The following STXBP5L variants were observed in gnomAD, a reference collection of about 807,000 sequenced individuals.
The protein encoded by STXBP5L is syntaxin-binding protein 5-like.
In STXBP5L, 65 loss-of-function variants were observed where a neutral mutation model predicts 144.5. The ratio of observed to expected loss-of-function variants is 0.45; its 90% confidence interval spans 0.37 to 0.55. The LOEUF (loss-of-function observed/expected upper bound fraction) is 0.55. Among genes scored for constraint, STXBP5L ranks in the 20% least tolerant of loss-of-function variants. The pLI is 0.00. For synonymous variants in STXBP5L, 505 were observed against 469.6 expected, an observed-to-expected ratio of 1.08 and a Z score of -0.97; for missense variants, 1,298 against 1,405.5, an observed-to-expected ratio of 0.92 and a Z score of 1.22.
intron 3 of STXBP5L, among the ~76,000 whole-genome samples, chr3:120,991,531 T>G (rs888580424): frequency 5.3e-5 from 8 of 152,326 alleles, no homozygotes; most frequent in Admixed American, 6.5e-5. Flanking sequence ...CACATGCACA[T>G]GTATGTTTAT....
chr3:121,300,096 A>C (rs2051828661), intron 19 of STXBP5L, among the ~76,000 whole-genome samples: 1 of 152,134 alleles, frequency 6.6e-6, no homozygotes, highest in South Asian at 2.1e-4. Context: ...ACACATACAA[A>C]TACAAGGGAA....
chr3:121,395,020 C>G (rs373558518), intron 22 of STXBP5L, among the ~76,000 whole-genome samples: 1 of 151,960 alleles, frequency 6.6e-6, no homozygotes, highest in Non-Finnish European at 1.5e-5. Flanking sequence ...CAGACTTTTG[C>G]CAGAATAGGG....
intron 5 of STXBP5L, among the ~76,000 whole-genome samples, chr3:121,111,008 T>G (rs1365209368): frequency 1.3e-5 from 2 of 152,224 alleles, no homozygotes; most frequent in African/African-American, 4.8e-5. Flanking sequence ...CTGAAATTCT[T>G]TCCTCCGCTT....
intron 7 of STXBP5L, among the ~76,000 whole-genome samples, chr3:121,147,759 T>A (rs1465028058): frequency 1.3e-5 from 2 of 152,168 alleles, no homozygotes; most frequent in East Asian, 3.9e-4. Context: ...CCATTCCTAA[T>A]GCGAGTGGGT....
At chr3:121,210,220 C>T (rs1470575291) in intron 10 of STXBP5L, among the ~76,000 whole-genome samples, 1 of 152,162 alleles carries the variant, frequency 6.6e-6, no homozygotes, top group African/African-American at 2.4e-5. Context: ...CTTTTGGCTG[C>T]ATAAATGTCT....
chr3:121,228,910 C>G (rs539676555), intron 11 of STXBP5L, among the ~76,000 whole-genome samples: 8 of 152,012 alleles, frequency 5.3e-5, no homozygotes, highest in Non-Finnish European at 1.0e-4. Context: ...AGAAAGGAAA[C>G]CTTTGTTGTT....
intron 3 of STXBP5L, among the ~76,000 whole-genome samples, chr3:121,035,637 T>G (rs912351499): frequency 1.3e-5 from 2 of 152,152 alleles, no homozygotes; most frequent in African/African-American, 4.8e-5. Context: ...GGCTGGGCAA[T>G]GTTATGTCTT....
chr3:121,369,067 C>T (rs994262830), intron 20 of STXBP5L, among the ~76,000 whole-genome samples: 1 of 152,124 alleles, frequency 6.6e-6, no homozygotes, highest in African/African-American at 2.4e-5. Flanking sequence ...TGTTGGTCCA[C>T]CCTGTCTCCT....
intron 7 of STXBP5L, among the ~76,000 whole-genome samples, chr3:121,141,029 A>G (rs2045478051): frequency 6.6e-6 from 1 of 152,202 alleles, no homozygotes; most frequent in Non-Finnish European, 1.5e-5. Flanking sequence ...GTCAATATAA[A>G]AGAAATAAAC....
chr3:121,205,675 G>C (rs979198444), intron 9 of STXBP5L, among the ~76,000 whole-genome samples: 2 of 152,094 alleles, frequency 1.3e-5, no homozygotes, highest in Admixed American at 6.6e-5. Flanking sequence ...AGGATGTAAA[G>C]TGATAAAAGT....
At chr3:121,238,574 A>G (rs2049562204) in intron 12 of STXBP5L, among the ~76,000 whole-genome samples, 1 of 152,194 alleles carries the variant, frequency 6.6e-6, no homozygotes, top group South Asian at 2.1e-4. Context: ...TTATATTTTA[A>G]TATTTATAAG....
chr3:121,373,743 G>A (rs796417711), intron 20 of STXBP5L, among the ~76,000 whole-genome samples: 10 of 152,220 alleles, frequency 6.6e-5, no homozygotes, highest in African/African-American at 2.4e-4. Flanking sequence ...CACACCCAGA[G>A]GCCTAGGGAT....
intron 9 of STXBP5L, among the ~76,000 whole-genome samples, chr3:121,168,327 A>T (rs748147336): frequency 2.0e-5 from 3 of 152,168 alleles, no homozygotes; most frequent in Non-Finnish European, 2.9e-5. Flanking sequence ...ACAAAACTTG[A>T]TGGAGAATGA....
At chr3:121,311,537 A>C (rs1376998635) in intron 19 of STXBP5L, among the ~76,000 whole-genome samples, 1 of 152,220 alleles carries the variant, frequency 6.6e-6, no homozygotes, top group African/African-American at 2.4e-5. Context: ...AAGCATTCTT[A>C]TACAACAATA....
At chr3:121,022,516 T>G (rs1945633157) in intron 3 of STXBP5L, among the ~76,000 whole-genome samples, 1 of 152,134 alleles carries the variant, frequency 6.6e-6, no homozygotes, top group Admixed American at 6.5e-5. Context: ...CTCAACAAAA[T>G]ACTAGCTAAC....
At chr3:121,147,825 AAG>A (rs1476745174) in intron 7 of STXBP5L, among the ~76,000 whole-genome samples, 1 of 152,176 alleles carries the variant, frequency 6.6e-6, no homozygotes, top group East Asian at 1.9e-4. Flanking sequence ...TTTTTCAAGT[AAG>A]AGAGAATTCT....
chr3:120,954,837 C>A, intron 2 of STXBP5L, 103 bp from the exon 3 acceptor site: 2 of 794,506 alleles, frequency 2.5e-6, no homozygotes, highest in East Asian at 3.0e-5. Context: ...TTTTTTTTTT[C>A]CTTTAAACTA....
At position 121,220,954 on chromosome 3, in the gene STXBP5L, C is replaced by T. The variant is rs116428299; in HGVS notation, c.957-2049C>T. Among the ~76,000 whole-genome samples the T allele has an allele frequency of 1.8e-3, 270 of 152,004 alleles. 1 individual carries two copies. Among genetic ancestry groups the T allele is most frequent in the Non-Finnish European group, 3.0e-3 (207 of 67,878 alleles). ...CACAATATATGCCACATGGTAAGCA[C>T]TCAGTAAATGGTAGCTATTTATTAC... On this transcript the variant is annotated intron_variant, in intron 10 of 26. Transcript: ENST00000471454.
chr3:120,967,074 C>G (rs570153288), intron 3 of STXBP5L, among the ~76,000 whole-genome samples: 1 of 152,062 alleles, frequency 6.6e-6, no homozygotes, highest in Admixed American at 6.5e-5. Flanking sequence ...TAGCAGTGAG[C>G]AAGGCTCAGT....
Sources: allele counts gnomAD v4.1 joint callset (sites outside exome capture counted in the v4.1 genomes callset), GRCh38; gene constraint gnomAD v4.1.1; transcripts MANE v1.5; gene names NCBI Gene and HGNC (gene_info 2026-07-23, HGNC 2026-07-21).